The following KDM7A variants were observed in gnomAD, a reference collection of about 807,000 sequenced individuals.
KDM7A encodes the protein lysine-specific demethylase 7A.
KDM7A carries 28 observed loss-of-function variants against 114.8 expected under a neutral mutation model. The observed-to-expected ratio is 0.24, with a 90% CI of 0.18 to 0.33. The LOEUF (loss-of-function observed/expected upper bound fraction) is 0.33, where lower values mean the gene tolerates loss of function less well. Ranked by LOEUF, KDM7A falls within the 10% of genes least tolerant of loss-of-function variation. The probability of loss-of-function intolerance (pLI) is 1.00; values close to 1 mark genes in which losing one functional copy is unlikely to be tolerated. For synonymous variants in KDM7A, 423 were observed against 397.8 expected (o/e 1.06, Z -0.75); for missense variants, 942 against 1,142.5 (o/e 0.82, Z 2.53).
chr7:140,111,309 C>G (rs1461664175), intron 10 of KDM7A, 125 bp from the exon 11 acceptor site: 1 of 597,092 alleles, frequency 1.7e-6, no homozygotes, highest in Non-Finnish European at 2.9e-6. Flanking sequence ...TACTAGTAAG[C>G]CAGGTTTCAG....
At position 140,120,674 on chromosome 7, in the gene KDM7A, T is replaced by C. The variant is rs1818605761; in HGVS notation, c.1052-145A>G. 3 of 551,884 alleles carry C rather than the reference T, an allele frequency of 5.4e-6. No individual in the cohort carries two copies. The South Asian group carries it at 8.3e-5, about 15-fold the overall frequency. The allele number at this position is 551,884 out of a possible 1,614,324, so 34.2% of individuals were successfully genotyped here. ...AGAGAAGTTAATGTTTATTACAATC[T>C]ATAGATTTAATTATTTATTAAATGC... On this transcript the variant is annotated intron_variant, in intron 7 of 19. Coordinates refer to ENST00000397560, the MANE Select transcript of KDM7A (RefSeq NM_030647.2).
chr7:140,112,920 G>T (rs1818456121), intron 10 of KDM7A, among the ~76,000 whole-genome samples: 1 of 152,202 alleles, frequency 6.6e-6, no homozygotes, highest in Non-Finnish European at 1.5e-5. Flanking sequence ...TCATGAAAAT[G>T]GAAAGCTCAT....
At chr7:140,161,385 T>C (rs1794516485) in intron 1 of KDM7A, among the ~76,000 whole-genome samples, 1 of 152,272 alleles carries the variant, frequency 6.6e-6, no homozygotes, top group Non-Finnish European at 1.5e-5. Flanking sequence ...CATACATCAC[T>C]GACCAGCTCA....
At chr7:140,175,415 GAC>G (rs1490269907) in intron 1 of KDM7A, among the ~76,000 whole-genome samples, 2 of 152,098 alleles carry the variant, frequency 1.3e-5, no homozygotes, top group African/African-American at 4.8e-5. Context: ...TCAATCAAAA[GAC>G]ACTTCCTACA....
At chr7:140,138,440 A>G (rs1013707045) in intron 2 of KDM7A, among the ~76,000 whole-genome samples, 6 of 152,238 alleles carry the variant, frequency 3.9e-5, no homozygotes, top group Non-Finnish European at 5.9e-5. Context: ...CTGAAAATAG[A>G]TATCATATTA....
At chr7:140,091,466 C>G (rs187621131) in intron 19 of KDM7A, among the ~76,000 whole-genome samples, 15 of 152,326 alleles carry the variant, frequency 9.8e-5, no homozygotes, top group Admixed American at 8.5e-4. Context: ...ACAAAACTGA[C>G]TACCATTTCA....
intron 12 of KDM7A, 34 bp downstream of exon 12, chr7:140,101,917 G>C (rs749712106): frequency 7.0e-7 from 1 of 1,432,168 alleles, no homozygotes; most frequent in South Asian, 1.2e-5. Context: ...GAACAGCCAA[G>C]TTTCTTTTTG....
In KDM7A at chr7:140,155,526, G is replaced by A. The variant is rs560103975; in HGVS notation, c.195-16336C>T. ...GGCTAGGGTCATCCTTTTGTCACCA[G>A]TGTATCAGAATACGGAGTGGGCAAT... On this transcript the variant is annotated intron_variant, in intron 1 of 19. Transcript: ENST00000397560. 5.9e-5 allele frequency among the ~76,000 whole-genome samples: 9 copies of A among 152,342 alleles called. No individual in the cohort carries two copies. In the South Asian group the frequency reaches 1.0e-3, roughly 18 times the overall value.
At chr7:140,132,689 CTG>C (rs1240504322) in intron 3 of KDM7A, among the ~76,000 whole-genome samples, 1 of 152,240 alleles carries the variant, frequency 6.6e-6, no homozygotes, top group Non-Finnish European at 1.5e-5. Context: ...TGTGTTCTTT[CTG>C]TCTCTCAACA....
At chr7:140,133,288 G>A (rs917034378) in intron 3 of KDM7A, among the ~76,000 whole-genome samples, 2 of 152,152 alleles carry the variant, frequency 1.3e-5, no homozygotes, top group Non-Finnish European at 1.5e-5. Context: ...ACACTTAAAT[G>A]TTTTTACAGG....
chr7:140,087,315 C>A lies in KDM7A; in HGVS notation c.*3779G>T, dbSNP rs1242999293. 1 of 152,164 alleles carries A rather than the reference C, an allele frequency of 6.6e-6. No individual in the cohort carries two copies. The highest frequency in any genetic ancestry group is 6.5e-5 in the Admixed American group (1 of 15,282). 9.4% of individuals were successfully genotyped at this position (152,164 alleles called of 1,614,324 possible). On this transcript the variant is annotated 3_prime_UTR_variant, in exon 20 of 20. Coordinates refer to ENST00000397560, the MANE Select transcript of KDM7A (RefSeq NM_030647.2). ...TAAAGCCATCTTTCAGTTAAATCAT[C>A]TTAACGTACTTGAGGATACACATTC... is the stretch of plus-strand genomic sequence containing the variant.
chr7:140,171,638 T>A (rs184930376), intron 1 of KDM7A, among the ~76,000 whole-genome samples: 384 of 146,968 alleles, frequency 2.6e-3, no homozygotes, highest in African/African-American at 7.6e-3. Context: ...AATATATATT[T>A]ATTTTATATA....
intron 17 of KDM7A, among the ~76,000 whole-genome samples, chr7:140,096,165 C>T (rs1404870651): frequency 6.6e-6 from 1 of 152,086 alleles, no homozygotes; most frequent in Non-Finnish European, 1.5e-5. Context: ...TAGCCTCAAT[C>T]AGAAAGAAAC....
intron 9 of KDM7A, 34 bp from the exon 10 acceptor site, chr7:140,113,616 T>A: frequency 8.7e-7 from 1 of 1,155,452 alleles, no homozygotes; most frequent in Non-Finnish European, 1.3e-6. Flanking sequence ...GAAAAAAAAA[T>A]AGTTAAAATG....
chr7:140,118,343 T>C (rs1250621493), intron 9 of KDM7A, among the ~76,000 whole-genome samples: 1 of 151,936 alleles, frequency 6.6e-6, no homozygotes, highest in African/African-American at 2.4e-5. Context: ...CCACCTTTTA[T>C]AAAGTAGCTT....
chr7:140,123,057 T>C (rs981194225), intron 7 of KDM7A, among the ~76,000 whole-genome samples: 4 of 152,174 alleles, frequency 2.6e-5, no homozygotes, highest in African/African-American at 9.7e-5. Context: ...AGGGTTTGAA[T>C]AGACATTTCT....
chr7:140,088,623 G>T lies in KDM7A; in HGVS notation c.*2471C>A, dbSNP rs951556816. 1.0e-5 allele frequency: 4 copies of T among 397,038 alleles called. No individual in the cohort carries two copies. The highest frequency in any genetic ancestry group is 8.2e-5 in the African/African-American group (4 of 48,566). 24.6% of individuals were successfully genotyped at this position (397,038 alleles called of 1,614,324 possible). On this transcript the variant is annotated 3_prime_UTR_variant, in exon 20 of 20. Coordinates refer to ENST00000397560, the MANE Select transcript of KDM7A (RefSeq NM_030647.2). ...TAAGACGTTTGACCAGGAGTCACTG[G>T]ATCAGTGGCCGAATTTTCACCAATT...
At chr7:140,175,679 TCGG>T (rs1794695088) in intron 1 of KDM7A, among the ~76,000 whole-genome samples, 1 of 151,988 alleles carries the variant, frequency 6.6e-6, no homozygotes, top group African/African-American at 2.4e-5. Context: ...AACACACGAG[TCGG>T]CGGCCTGGCT....
chr7:140,100,661 T>TATATATATATATATACACACAC (rs1491462744), intron 12 of KDM7A, among the ~76,000 whole-genome samples: 1 of 40,736 alleles, frequency 2.5e-5, no homozygotes, highest in Non-Finnish European at 5.3e-5. Context: ...TTTAAAAAGT[T>TATATATATATATATACACACAC]ATATATATAT....
Sources: allele counts gnomAD v4.1 joint callset (sites outside exome capture counted in the v4.1 genomes callset), GRCh38; gene constraint gnomAD v4.1.1; transcripts MANE v1.5; gene names NCBI Gene and HGNC (gene_info 2026-07-23, HGNC 2026-07-21).